The following TCF12 variants were observed in gnomAD, a reference collection of about 807,000 sequenced individuals.
The protein encoded by TCF12 is transcription factor 12, also known as DNA-binding protein HTF4.
Under a neutral mutation model 86.0 loss-of-function variants are expected in TCF12, and 45 were observed. The observed-to-expected ratio is 0.52, with a 90% CI of 0.41 to 0.67. The LOEUF is 0.67. Ranked by LOEUF, TCF12 falls within the 30% of genes least tolerant of loss-of-function variation. The pLI is 0.00. For synonymous variants in TCF12, 330 were observed against 299.6 expected (o/e 1.10, Z -1.05); for missense variants, 881 against 859.9 (o/e 1.02, Z -0.31).
intron 4 of TCF12, among the ~76,000 whole-genome samples, chr15:57,075,822 CTCTCTCTCTCTCT>C (rs1344960926): frequency 3.2e-3 from 180 of 56,308 alleles, no homozygotes; most frequent in Middle Eastern, 0.012. Flanking sequence ...CTCTCTCTCT[CTCTCTCTCTCTCT>C]TTTCTTTCTT....
intron 8 of TCF12, among the ~76,000 whole-genome samples, chr15:57,221,753 C>T (rs1043815241): frequency 6.6e-6 from 1 of 152,034 alleles, no homozygotes; most frequent in South Asian, 2.1e-4. Flanking sequence ...TTTATTTTTA[C>T]CCACCTCTAG....
At chr15:56,937,660 C>T in intron 3 of TCF12, among the ~76,000 whole-genome samples, 1 of 151,916 alleles carries the variant, frequency 6.6e-6, no homozygotes, top group East Asian at 1.9e-4. Context: ...TTTCCCTGTT[C>T]AGTATTATGT....
chr15:56,928,103 A>G (rs533704439), intron 3 of TCF12, among the ~76,000 whole-genome samples: 1 of 152,320 alleles, frequency 6.6e-6, no homozygotes, highest in Non-Finnish European at 1.5e-5. Context: ...CAGGAGCCAG[A>G]CAACTGGATT....
intron 19 of TCF12, chr15:57,278,470 G>A (rs1309369310): frequency 6.6e-6 from 1 of 151,816 alleles, no homozygotes; most frequent in African/African-American, 2.4e-5. Flanking sequence ...ACTAACAAAT[G>A]AAAAAACAAG....
chr15:57,139,581 G>A (rs1388839108), intron 5 of TCF12, among the ~76,000 whole-genome samples: 1 of 151,920 alleles, frequency 6.6e-6, no homozygotes, highest in Non-Finnish European at 1.5e-5. Flanking sequence ...TAAACCACCA[G>A]GGAGATCTTC....
chr15:57,252,927 C>CTTTTTT (rs57946842), intron 15 of TCF12, among the ~76,000 whole-genome samples: 1 of 89,774 alleles, frequency 1.1e-5, no homozygotes, highest in African/African-American at 3.9e-5. Flanking sequence ...ATAGGTTGTA[C>CTTTTTT]TTTTTTTTTT....
intron 5 of TCF12, among the ~76,000 whole-genome samples, chr15:57,152,210 A>G (rs566182214): frequency 3.3e-5 from 5 of 152,352 alleles, no homozygotes; most frequent in Admixed American, 6.5e-5. Flanking sequence ...TTCCAGGCCT[A>G]AATATACTAC....
chr15:56,952,191 C>T (rs199634946), intron 3 of TCF12, among the ~76,000 whole-genome samples: 16 of 121,852 alleles, frequency 1.3e-4, no homozygotes, highest in African/African-American at 5.6e-4. Flanking sequence ...TGTGTATATA[C>T]ACACACACAC....
intron 6 of TCF12, among the ~76,000 whole-genome samples, chr15:57,175,834 G>T (rs2055869722): frequency 6.6e-6 from 1 of 152,176 alleles, no homozygotes; most frequent in Non-Finnish European, 1.5e-5. Context: ...AGGTTAAAAA[G>T]TTGGACAATA....
At chr15:57,080,668 C>T (rs913764960) in intron 4 of TCF12, among the ~76,000 whole-genome samples, 2 of 152,192 alleles carry the variant, frequency 1.3e-5, no homozygotes, top group Admixed American at 1.3e-4. Flanking sequence ...TTTGATATCT[C>T]TGTGAATAAT....
At chr15:57,261,647 A>G (rs375343379) in intron 16 of TCF12, among the ~76,000 whole-genome samples, 7 of 152,152 alleles carry the variant, frequency 4.6e-5, no homozygotes, top group African/African-American at 1.7e-4. Context: ...TAATACTGCA[A>G]TAGCTGACTG....
Position 57,248,052 on chromosome 15 carries a change from A to C in TCF12, c.1115-3298A>C, listed in dbSNP as rs764852856. 25 of 703,258 alleles carry C rather than the reference A, an allele frequency of 3.6e-5. 1 individual carries two copies. In the South Asian group the frequency reaches 3.7e-4, roughly 10 times the overall value. The allele number at this position is 703,258 out of a possible 1,614,324, so 43.6% of individuals were successfully genotyped here. On this transcript the variant is annotated intron_variant, in intron 13 of 20. Transcript: ENST00000333725. ...GCGGTTTTACCTCCATTTTGAGACC[A>C]GACAACTGGACTCATGTCTTCCAAC...
intron 3 of TCF12, among the ~76,000 whole-genome samples, chr15:56,933,296 A>C (rs2060326114): frequency 6.6e-6 from 1 of 152,226 alleles, no homozygotes; most frequent in Admixed American, 6.5e-5. Flanking sequence ...GAAAGGTAAT[A>C]ATGCTAATAT....
intron 6 of TCF12, among the ~76,000 whole-genome samples, chr15:57,184,962 T>C (rs557719291): frequency 6.6e-6 from 1 of 152,350 alleles, no homozygotes; most frequent in Non-Finnish European, 1.5e-5. Flanking sequence ...CTGGAGGTTA[T>C]TATTTTAATG....
At chr15:56,921,903 A>G (rs11631732) in intron 3 of TCF12, among the ~76,000 whole-genome samples, 66,274 of 151,898 alleles carry the variant, frequency 0.44, 15,983 homozygotes, top group Non-Finnish European at 0.55. Flanking sequence ...ATTGTATACT[A>G]ATTTATTAAA....
intron 3 of TCF12, among the ~76,000 whole-genome samples, chr15:56,921,725 GCT>G (rs1375775181): frequency 6.6e-6 from 1 of 151,946 alleles, no homozygotes; most frequent in Non-Finnish European, 1.5e-5. Context: ...AAATCTCTGG[GCT>G]GAAACTCAGT....
At position 57,052,645 on chromosome 15, in the gene TCF12, A is replaced by C. The variant is rs899694950; in HGVS notation, c.149-11105A>C. Among the ~76,000 whole-genome samples, 225 of 152,018 alleles carry C rather than the reference A, an allele frequency of 1.5e-3. 2 individuals are homozygous for C. Among genetic ancestry groups the C allele is most frequent in the East Asian group, 3.7e-3 (19 of 5,184 alleles). ...GAGCGAGACTCCATCTCAAAAAAAA[A>C]AAAAAAACCAAAATAAAACAAAACT... is the stretch of plus-strand genomic sequence containing the variant. On this transcript the variant is annotated intron_variant, in intron 3 of 20. Transcript: ENST00000333725.
chr15:57,108,671 G>A (rs1354981699), intron 5 of TCF12, among the ~76,000 whole-genome samples: 1 of 151,812 alleles, frequency 6.6e-6, no homozygotes, highest in Non-Finnish European at 1.5e-5. Flanking sequence ...GGGGGTGAGG[G>A]ACATTGTTGG....
intron 3 of TCF12, among the ~76,000 whole-genome samples, chr15:56,969,516 A>G (rs28677775): frequency 0.25 from 37,065 of 147,700 alleles, 5,359 homozygotes; most frequent in East Asian, 0.41. Flanking sequence ...ACACTATACT[A>G]TTAGACATCC....
Sources: gnomAD v4.1 joint callset for allele counts (sites outside exome capture counted in the v4.1 genomes callset) on GRCh38, gnomAD v4.1.1 for gene constraint, MANE v1.5 for transcripts, NCBI Gene and HGNC (gene_info 2026-07-23, HGNC 2026-07-21) for gene names.